Variants in SPAST observed in about 807,000 individuals in gnomAD.
SPAST encodes spastic paraplegia 4 (autosomal dominant; spastin).
A neutral mutation model predicts 76.6 loss-of-function variants in SPAST; 30 were observed. The observed-to-expected ratio is 0.39, with a 90% CI of 0.29 to 0.53. The LOEUF is 0.53. Among genes scored for constraint, SPAST ranks in the 20% least tolerant of loss-of-function variants. The pLI is 0.68. For synonymous variants in SPAST, 305 were observed against 281.0 expected (o/e 1.09, Z -0.86); for missense variants, 717 against 770.5 (o/e 0.93, Z 0.82).
At chr2:32,098,140 A>C (rs1295586914) in intron 3 of SPAST, among the ~76,000 whole-genome samples, 1 of 152,146 alleles carries the variant, frequency 6.6e-6, no homozygotes, top group African/African-American at 2.4e-5. Flanking sequence ...ATATTTAATA[A>C]ATACCTAAAT....
At chr2:32,083,776 A>ATATTTTTTTTTTTT (rs1553398791) in intron 1 of SPAST, among the ~76,000 whole-genome samples, 1 of 46,090 alleles carries the variant, frequency 2.2e-5, no homozygotes, top group Non-Finnish European at 3.7e-5. Context: ...ATATATATAT[A>ATATTTTTTTTTTTT]TTTTTTTTTT....
At chr2:32,145,569 T>C (rs927137435) in intron 15 of SPAST, among the ~76,000 whole-genome samples, 3 of 152,254 alleles carry the variant, frequency 2.0e-5, no homozygotes, top group African/African-American at 7.2e-5. Context: ...CTTATCTGTT[T>C]TCTGGCTCTT....
intron 16 of SPAST, among the ~76,000 whole-genome samples, chr2:32,149,409 G>A (rs1313618214): frequency 6.6e-6 from 1 of 151,898 alleles, no homozygotes; most frequent in African/African-American, 2.4e-5. Context: ...ATTTATTACC[G>A]TTTCTTAATA....
intron 7 of SPAST, among the ~76,000 whole-genome samples, chr2:32,117,167 C>G (rs950869865): frequency 2.0e-5 from 3 of 151,576 alleles, no homozygotes; most frequent in Non-Finnish European, 4.4e-5. Context: ...GCAGGAGAAT[C>G]GCTTGAACCC....
intron 1 of SPAST, among the ~76,000 whole-genome samples, chr2:32,071,059 A>G (rs753381701): frequency 2.0e-5 from 3 of 152,182 alleles, no homozygotes; most frequent in African/African-American, 4.8e-5. Context: ...TTGGAGGAAA[A>G]GAGAAGGTTG....
intron 4 of SPAST, among the ~76,000 whole-genome samples, chr2:32,099,607 G>A: frequency 6.6e-6 from 1 of 152,044 alleles, no homozygotes; most frequent in Non-Finnish European, 1.5e-5. Flanking sequence ...AGTATATGGT[G>A]ATTAGATCAA....
At chr2:32,090,054 G>A (rs111291510) in intron 3 of SPAST, among the ~76,000 whole-genome samples, 12 of 152,220 alleles carry the variant, frequency 7.9e-5, no homozygotes, top group South Asian at 2.1e-4. Flanking sequence ...GTGAGCCAAC[G>A]CGCCCAGCCG....
intron 1 of SPAST, among the ~76,000 whole-genome samples, chr2:32,083,319 A>G (rs188966008): frequency 6.6e-6 from 1 of 152,032 alleles, no homozygotes; most frequent in Admixed American, 6.6e-5. Context: ...AGAAGTTTGC[A>G]TTTTTCTTGG....
At chr2:32,153,168 T>C (rs945330277) in intron 16 of SPAST, among the ~76,000 whole-genome samples, 7 of 152,232 alleles carry the variant, frequency 4.6e-5, no homozygotes, top group African/African-American at 1.4e-4. Flanking sequence ...AGATTGGGTT[T>C]TTAAGAGTAG....
At chr2:32,083,770 ATATATATTTTTTTTTT>A (rs1558620271) in intron 1 of SPAST, among the ~76,000 whole-genome samples, 3 of 48,000 alleles carry the variant, frequency 6.3e-5, no homozygotes, top group African/African-American at 7.5e-5. Flanking sequence ...ATATATATAT[ATATATATTTTTTTTTT>A]TTTTTGAGAT....
At chr2:32,143,026 G>T (rs1679772364) in intron 13 of SPAST, among the ~76,000 whole-genome samples, 1 of 152,112 alleles carries the variant, frequency 6.6e-6, no homozygotes, top group Non-Finnish European at 1.5e-5. Context: ...AACACTTTGG[G>T]AGGCTGAGGT....
intron 3 of SPAST, among the ~76,000 whole-genome samples, chr2:32,091,666 A>G (rs535957018): frequency 2.0e-5 from 3 of 151,550 alleles, no homozygotes; most frequent in Non-Finnish European, 4.4e-5. Context: ...CCCCGTCTCT[A>G]GTAAAAAAAT....
At chr2:32,116,327 A>G in intron 7 of SPAST, 115 bp downstream of exon 7, 1 of 717,178 alleles carries the variant, frequency 1.4e-6, no homozygotes, top group Non-Finnish European at 2.4e-6. Flanking sequence ...ATATAAGGTA[A>G]CAATAGATTT....
Position 32,143,408 on chromosome 2 carries a change from CT to C in SPAST, c.1611del (p.Ala538LeufsTer3). 6.3e-7 allele frequency: 1 copy of C among 1,595,784 alleles called. No individual in the cohort carries two copies. The highest frequency in any genetic ancestry group is 8.6e-7 in the Non-Finnish European group (1 of 1,164,390). ...SPLTQKELAQ[L>X]ARMTDGYSGS... is the part of the protein sequence containing the mutation. Reference sequence around the variant, plus strand: ...ATTGACCCAAAAAGAACTAGCACAACTTGCTAGGTGAGTAATTTGGATTTGG... The same window carrying C: ...ATTGACCCAAAAAGAACTAGCACAACTGCTAGGTGAGTAATTTGGATTTGG... On this transcript the variant is annotated frameshift_variant, in exon 14 of 17. Coordinates refer to ENST00000315285, the MANE Select transcript of SPAST (RefSeq NM_014946.4). LOFTEE classifies it high-confidence loss of function.
intron 2 of SPAST, among the ~76,000 whole-genome samples, chr2:32,088,751 A>G (rs1400494528): frequency 2.0e-5 from 3 of 152,258 alleles, no homozygotes; most frequent in Admixed American, 6.5e-5. Context: ...TGCTCTTTTC[A>G]TCACTTAGAA....
intron 3 of SPAST, among the ~76,000 whole-genome samples, chr2:32,092,141 T>C (rs1322905713): frequency 6.6e-6 from 1 of 152,216 alleles, no homozygotes; most frequent in African/African-American, 2.4e-5. Flanking sequence ...ATTGTGTTTG[T>C]GGGATTTTTG....
chr2:32,149,209 C>A (rs1216244921), intron 16 of SPAST, among the ~76,000 whole-genome samples: 2 of 151,206 alleles, frequency 1.3e-5, no homozygotes, highest in Non-Finnish European at 2.9e-5. Flanking sequence ...CCTGCCTCAG[C>A]CTCCTGCGTA....
chr2:32,106,648 G>A lies in SPAST; in HGVS notation c.682+7757G>A, dbSNP rs113049398. 6.1e-3 allele frequency among the ~76,000 whole-genome samples: 930 copies of A among 152,238 alleles called. 5 individuals carry two copies. The highest frequency in any genetic ancestry group is 0.018 in the South Asian group (89 of 4,826). ...AAGGTTTTAGTGGAGAAGAGATAGA[G>A]TAAAAGGATTTCTATAGACAGAAGA... On this transcript the variant is annotated intron_variant, in intron 4 of 16. Coordinates refer to ENST00000315285, the MANE Select transcript of SPAST (RefSeq NM_014946.4).
intron 7 of SPAST, among the ~76,000 whole-genome samples, chr2:32,118,902 A>C (rs767404758): frequency 2.0e-5 from 3 of 152,330 alleles, no homozygotes; most frequent in Middle Eastern, 3.4e-3. Context: ...TATAGAGAAC[A>C]TATCTAAAAT....
Sources: gnomAD v4.1 joint callset for allele counts (sites outside exome capture counted in the v4.1 genomes callset) on GRCh38, gnomAD v4.1.1 for gene constraint, MANE v1.5 for transcripts, NCBI Gene and HGNC (gene_info 2026-07-23, HGNC 2026-07-21) for gene names.